ASMTL: variants seen among roughly 807,000 people sequenced by gnomAD.
ASMTL encodes the protein probable bifunctional dTTP/UTP pyrophosphatase/methyltransferase protein.
A neutral mutation model predicts 60.3 loss-of-function variants in ASMTL; 57 were observed. The observed-to-expected ratio is 0.95, with a 90% CI of 0.76 to 1.18. The LOEUF is 1.18. Among genes scored for constraint, ASMTL ranks in the 50% most tolerant of loss-of-function variants. The pLI is 0.00. For synonymous variants in ASMTL, 419 were observed against 373.0 expected, an observed-to-expected ratio of 1.12 and a Z score of -1.42; for missense variants, 981 against 852.6, an observed-to-expected ratio of 1.15 and a Z score of -1.88.
At chrX:1,425,783 T>G in intron 7 of ASMTL, 96 bp from the exon 8 acceptor site, 1 of 1,276,510 alleles carries the variant, frequency 7.8e-7, no homozygotes. Flanking sequence ...CTGTCGGAAG[T>G]ATACAACTTG....
chrX:1,444,381 G>A (rs1488628549), intron 1 of ASMTL, among the ~76,000 whole-genome samples: 2 of 151,884 alleles, frequency 1.3e-5, no homozygotes, highest in Non-Finnish European at 2.9e-5. Flanking sequence ...GCTAATTTTT[G>A]TATTTTTAAT....
Position 1,412,652 on chromosome X carries a change from C to G in ASMTL, c.1645+80G>C. 5.0e-6 allele frequency: 8 copies of G among 1,595,652 alleles called. No individual in the cohort carries two copies. The South Asian group carries it at 8.8e-5, about 18-fold the overall frequency. Reference sequence around the variant, plus strand: ...CGCTGGGATGACAGGCGTGAGCCACCGCGCCCGGCCTCCTTGTAAAACTTG... The same window carrying G: ...CGCTGGGATGACAGGCGTGAGCCACGGCGCCCGGCCTCCTTGTAAAACTTG... On this transcript the variant is annotated intron_variant, in intron 12 of 12. Transcript: ENST00000381317.
chrX:1,442,125 G>A (rs1466608251), intron 2 of ASMTL, 61 bp downstream of exon 2: 35 of 1,580,714 alleles, frequency 2.2e-5, no homozygotes, highest in African/African-American at 6.8e-5. Flanking sequence ...TTTACCACCC[G>A]CAAATCCCCT....
chrX:1,417,197 G>T (rs1408891772), intron 11 of ASMTL, among the ~76,000 whole-genome samples: 6 of 143,400 alleles, frequency 4.2e-5, no homozygotes, highest in African/African-American at 1.6e-4. Context: ...AGATGCAGAC[G>T]TACACACAGA....
At chrX:1,449,794 CAGT>C (rs2091313484) in intron 1 of ASMTL, among the ~76,000 whole-genome samples, 1 of 145,976 alleles carries the variant, frequency 6.9e-6, no homozygotes, top group South Asian at 2.2e-4. Flanking sequence ...CCCCCATCAC[CAGT>C]AACTATCTCC....
chrX:1,422,960 T>G (rs1372442552), intron 8 of ASMTL, among the ~76,000 whole-genome samples: 1 of 152,102 alleles, frequency 6.6e-6, no homozygotes, highest in African/African-American at 2.4e-5. Flanking sequence ...TTTAATTTTT[T>G]AATTTTTTTT....
chrX:1,417,065 CACAG>C lies in ASMTL; in HGVS notation c.1522+904_1522+907del, dbSNP rs1409113604. 5.7e-4 allele frequency among the ~76,000 whole-genome samples: 86 copies of C among 151,866 alleles called. No individual in the cohort carries two copies. The South Asian group carries it at 0.014, about 24-fold the overall frequency. The stretch of plus-strand genomic sequence containing the variant: ...AGCACAGCAGATGCTCACATATCCA[CACAG>C]ACACACACCATGCACATAGATGCAG... On this transcript the variant is annotated intron_variant, in intron 11 of 12. Coordinates refer to ENST00000381317, the MANE Select transcript of ASMTL (RefSeq NM_004192.4).
chrX:1,419,157 C>CACCAGA, intron 9 of ASMTL, 43 bp from the exon 10 acceptor site: 1 of 1,600,726 alleles, frequency 6.2e-7, no homozygotes, highest in Non-Finnish European at 8.5e-7. Context: ...GAACACGGGG[C>CACCAGA]GAGGGCTCGC....
intron 2 of ASMTL, among the ~76,000 whole-genome samples, chrX:1,440,179 C>T (rs181366314): frequency 0.024 from 3,594 of 151,968 alleles, 81 homozygotes; most frequent in African/African-American, 0.06. Context: ...CTCCGCCTCC[C>T]GGGTTCACGC....
intron 7 of ASMTL, among the ~76,000 whole-genome samples, chrX:1,426,398 A>C (rs5949085): frequency 6.6e-6 from 1 of 151,874 alleles, no homozygotes; most frequent in Non-Finnish European, 1.5e-5. Context: ...AGGAGGTGTC[A>C]TCAGCCCGTC....
intron 5 of ASMTL, among the ~76,000 whole-genome samples, 178 bp from the exon 6 acceptor site, chrX:1,432,555 C>T (rs1427582656): frequency 6.6e-6 from 1 of 152,204 alleles, no homozygotes; most frequent in Non-Finnish European, 1.5e-5. Context: ...AGGGGCCGGG[C>T]GCGGTGGCTC....
At chrX:1,411,566 G>A (rs1450582023) in intron 12 of ASMTL, among the ~76,000 whole-genome samples, 22 of 149,992 alleles carry the variant, frequency 1.5e-4, no homozygotes, top group Admixed American at 1.1e-3. Context: ...GAGCCGAGAT[G>A]GTGCGTGCTG....
At chrX:1,404,714 A>T (rs1349249304) in intron 12 of ASMTL, among the ~76,000 whole-genome samples, 1 of 150,788 alleles carries the variant, frequency 6.6e-6, no homozygotes, top group Non-Finnish European at 1.5e-5. Context: ...GGACAGATGG[A>T]TGCATGGATG....
chrX:1,404,531 A>G (rs58645230), intron 12 of ASMTL, among the ~76,000 whole-genome samples: 52,330 of 142,602 alleles, frequency 0.37, 9,615 homozygotes, highest in African/African-American at 0.48. Flanking sequence ...TGGTTAGGTA[A>G]GTAGGTAGAT....
intron 3 of ASMTL, among the ~76,000 whole-genome samples, chrX:1,438,740 G>C (rs1197453088): frequency 6.6e-6 from 1 of 152,152 alleles, no homozygotes; most frequent in African/African-American, 2.4e-5. Flanking sequence ...TCTTGCAATT[G>C]ATATCATATA....
chrX:1,435,660 C>A, intron 4 of ASMTL, 34 bp downstream of exon 4: 2 of 1,610,866 alleles, frequency 1.2e-6, no homozygotes, highest in Non-Finnish European at 8.5e-7. Context: ...TGGCTCAGAA[C>A]CCGAGAGGGC....
intron 2 of ASMTL, among the ~76,000 whole-genome samples, chrX:1,439,675 C>A (rs1358409797): frequency 6.6e-6 from 1 of 151,674 alleles, no homozygotes; most frequent in African/African-American, 2.4e-5. Context: ...GGTGAAACCC[C>A]GTCTCTACTA....
chrX:1,429,202 CT>C (rs1261877435), intron 6 of ASMTL, among the ~76,000 whole-genome samples: 1 of 151,408 alleles, frequency 6.6e-6, no homozygotes, highest in Non-Finnish European at 1.5e-5. Context: ...GCCCTCTTTT[CT>C]CTTTCTTATT....
chrX:1,450,898 G>GT (rs2091354849), intron 1 of ASMTL, among the ~76,000 whole-genome samples: 1 of 142,720 alleles, frequency 7.0e-6, no homozygotes, highest in Admixed American at 6.9e-5. Flanking sequence ...CCATCCCTAT[G>GT]GGTCCCGGGT....
Sources: allele counts gnomAD v4.1 joint callset (sites outside exome capture counted in the v4.1 genomes callset), GRCh38; gene constraint gnomAD v4.1.1; transcripts MANE v1.5; gene names NCBI Gene and HGNC (gene_info 2026-07-23, HGNC 2026-07-21).